RANBP10: variants seen among roughly 807,000 people sequenced by gnomAD.
RANBP10 encodes ran-binding protein 10.
RANBP10 carries 24 observed loss-of-function variants against 72.8 expected under a neutral mutation model. The observed-to-expected ratio is 0.33, with a 90% confidence interval of 0.24 to 0.46. The LOEUF is 0.46. Ranked by LOEUF, RANBP10 falls within the 20% of genes least tolerant of loss-of-function variation. The probability of loss-of-function intolerance (pLI) is 1.00; values close to 1 mark genes in which losing one functional copy is unlikely to be tolerated. For synonymous variants in RANBP10, 310 were observed against 322.3 expected, an observed-to-expected ratio of 0.96 and a Z score of 0.41; for missense variants, 679 against 817.5, an observed-to-expected ratio of 0.83 and a Z score of 2.07.
At chr16:67,805,858 G>C (rs2055393636) in intron 1 of RANBP10, among the ~76,000 whole-genome samples, 1 of 152,212 alleles carries the variant, frequency 6.6e-6, no homozygotes, top group African/African-American at 2.4e-5. Flanking sequence ...AGGGGAAGAA[G>C]GATGAGGCCG....
chr16:67,737,048 T>C (rs1308464797), intron 5 of RANBP10, among the ~76,000 whole-genome samples: 4 of 151,896 alleles, frequency 2.6e-5, no homozygotes, highest in Non-Finnish European at 4.4e-5. Context: ...TGATTAGGCC[T>C]GTGATGACTC....
chr16:67,797,153 C>G (rs960786788), intron 2 of RANBP10, among the ~76,000 whole-genome samples: 2 of 152,196 alleles, frequency 1.3e-5, no homozygotes, highest in Non-Finnish European at 2.9e-5. Context: ...AGGAATCTCC[C>G]TTACACCATG....
chr16:67,800,382 G>T (rs2055214658), intron 2 of RANBP10, among the ~76,000 whole-genome samples: 2 of 152,142 alleles, frequency 1.3e-5, no homozygotes, highest in Admixed American at 6.5e-5. Context: ...ACCATCACAT[G>T]TCAGGAGGCC....
At chr16:67,742,811 G>A (rs2053994453) in intron 4 of RANBP10, among the ~76,000 whole-genome samples, 1 of 152,212 alleles carries the variant, frequency 6.6e-6, no homozygotes, top group African/African-American at 2.4e-5. Context: ...CTGGGACTTT[G>A]ACAGCAGAAC....
chr16:67,730,146 A>G lies in RANBP10; in HGVS notation c.890-100T>C. ...AGCCTCAGGGTAGGGTCCGGCTCAG[A>G]GTGCCTCGCCAGCTTGAAATGCTCA... On this transcript the variant is annotated intron_variant, in intron 7 of 13. Coordinates refer to ENST00000317506, the MANE Select transcript of RANBP10 (RefSeq NM_020850.3). The surrounding 1 kb of genome is among the most constrained non-coding windows in gnomAD (Gnocchi z 4.3). 1 of 1,055,080 alleles carries G rather than the reference A, an allele frequency of 9.5e-7. No homozygotes were observed. The highest frequency in any genetic ancestry group is 1.3e-5 in the South Asian group (1 of 74,292). 65.4% of individuals were successfully genotyped at this position (1,055,080 alleles called of 1,614,324 possible).
At chr16:67,784,832 AAAAAG>A (rs903579493) in intron 2 of RANBP10, among the ~76,000 whole-genome samples, 4 of 151,682 alleles carry the variant, frequency 2.6e-5, no homozygotes, top group Non-Finnish European at 2.9e-5. Flanking sequence ...AAAAAAAAAG[AAAAAG>A]AAAAGAAAAG....
intron 3 of RANBP10, among the ~76,000 whole-genome samples, chr16:67,757,311 T>C (rs113300892): frequency 3.9e-5 from 6 of 152,222 alleles, no homozygotes; most frequent in African/African-American, 1.4e-4. Context: ...CTAGCCCCTC[T>C]CCTAATGAAT....
intron 2 of RANBP10, among the ~76,000 whole-genome samples, chr16:67,792,091 C>T (rs2143018901): frequency 6.6e-6 from 1 of 151,630 alleles, no homozygotes; most frequent in Non-Finnish European, 1.5e-5. Flanking sequence ...AAGCTTCAGT[C>T]CATCATGACA....
chr16:67,733,811 T>C (rs1485288660), intron 6 of RANBP10, among the ~76,000 whole-genome samples: 2 of 152,116 alleles, frequency 1.3e-5, no homozygotes, highest in African/African-American at 4.8e-5. Context: ...AGTATTTTTT[T>C]AAAAACCCCA....
At position 67,800,222 on chromosome 16, in the gene RANBP10, A is replaced by T. The variant is rs958767757; in HGVS notation, c.347+5206T>A. On this transcript the variant is annotated intron_variant, in intron 2 of 13. Coordinates refer to ENST00000317506, the MANE Select transcript of RANBP10 (RefSeq NM_020850.3). ...AGTGCACTGCTGCCTGGCCAAAGGA[A>T]GTCAGCTGCAGGAGCAAGGGAAGGC... Among the ~76,000 whole-genome samples, 2 of 151,906 alleles carry T rather than the reference A, an allele frequency of 1.3e-5. 1 individual carries two copies. The highest frequency in any genetic ancestry group is 2.9e-5 in the Non-Finnish European group (2 of 68,004).
At chr16:67,772,122 T>G (rs1017062620) in intron 2 of RANBP10, 36 bp from the exon 3 acceptor site, 9 of 1,585,516 alleles carry the variant, frequency 5.7e-6, no homozygotes, top group Admixed American at 3.8e-5. Flanking sequence ...ACAAAATTTT[T>G]GGTTAGCAAA....
chr16:67,769,520 C>G (rs935348076), intron 3 of RANBP10, among the ~76,000 whole-genome samples: 1 of 145,280 alleles, frequency 6.9e-6, no homozygotes, highest in Non-Finnish European at 1.5e-5. Flanking sequence ...CCAAGTCAGG[C>G]GGACCACGAG....
chr16:67,746,253 G>A (rs184280476), intron 3 of RANBP10, among the ~76,000 whole-genome samples: 69 of 152,206 alleles, frequency 4.5e-4, no homozygotes, highest in Middle Eastern at 3.4e-3. Flanking sequence ...AGGACGAGGC[G>A]AGCGGATCAT....
intron 2 of RANBP10, among the ~76,000 whole-genome samples, chr16:67,790,517 C>A (rs1172524245): frequency 1.3e-5 from 2 of 151,484 alleles, no homozygotes; most frequent in African/African-American, 2.4e-5. Context: ...ACCCCTATGG[C>A]CCTGCAAACC....
intron 13 of RANBP10, 65 bp from the exon 14 acceptor site, chr16:67,726,623 C>T: frequency 2.7e-6 from 4 of 1,496,638 alleles, no homozygotes; most frequent in Admixed American, 4.5e-5. Flanking sequence ...TCAAAGTTCC[C>T]TTGGGGGTGG....
chr16:67,754,630 GC>G (rs1289703386), intron 3 of RANBP10, among the ~76,000 whole-genome samples: 1 of 152,202 alleles, frequency 6.6e-6, no homozygotes, highest in Non-Finnish European at 1.5e-5. Context: ...CCAGGGCTTA[GC>G]CCCGGCCCCA....
intron 2 of RANBP10, among the ~76,000 whole-genome samples, chr16:67,793,236 T>G (rs2055062128): frequency 6.6e-6 from 1 of 151,582 alleles, no homozygotes; most frequent in Admixed American, 6.6e-5. Context: ...TGTCCTTTGG[T>G]ACACAGACAC....
At chr16:67,790,844 C>T (rs1277687921) in intron 2 of RANBP10, among the ~76,000 whole-genome samples, 2 of 151,176 alleles carry the variant, frequency 1.3e-5, no homozygotes, top group Admixed American at 1.3e-4. Flanking sequence ...GGATTACAGG[C>T]ACTCGCCACC....
chr16:67,765,217 A>C lies in RANBP10; in HGVS notation c.400+6817T>G, dbSNP rs914709450. ...TCCATCTCAAAAAAAAAAAAAAAAA[A>C]AAAAAAAAAAACATTAAAAAATAAA... is the stretch of plus-strand genomic sequence containing the variant. On this transcript the variant is annotated intron_variant, in intron 3 of 13. Transcript: ENST00000317506. 1.3e-4 allele frequency among the ~76,000 whole-genome samples: 20 copies of C among 150,828 alleles called. 1 individual carries two copies. Among genetic ancestry groups the C allele is most frequent in the African/African-American group, 4.4e-4 (18 of 41,268 alleles).
Sources: gnomAD v4.1 joint callset for allele counts (sites outside exome capture counted in the v4.1 genomes callset) on GRCh38, gnomAD v4.1.1 for gene constraint, Gnocchi (gnomAD v3.1) non-coding constraint, MANE v1.5 for transcripts, NCBI Gene and HGNC (gene_info 2026-07-23, HGNC 2026-07-21) for gene names.